CAMTA1: variants seen among roughly 807,000 people sequenced by gnomAD.
The protein encoded by CAMTA1 is calmodulin-binding transcription activator 1.
Under a neutral mutation model 170.9 loss-of-function variants are expected in CAMTA1, and 27 were observed. The observed-to-expected ratio is 0.16, with a 90% CI of 0.12 to 0.22. The LOEUF is 0.22. Ranked by LOEUF, CAMTA1 falls within the 10% of genes least tolerant of loss-of-function variation. The pLI is 1.00. For synonymous variants in CAMTA1, 833 were observed against 891.5 expected (o/e 0.93, Z 1.17); for missense variants, 1,619 against 2,217.2 (o/e 0.73, Z 5.42).
intron 3 of CAMTA1, chr1:6,871,617 G>A: frequency 3.3e-6 from 2 of 603,158 alleles, no homozygotes; most frequent in Non-Finnish European, 5.4e-6. Context: ...TAATGAAAGT[G>A]TGGTTTTGTA....
chr1:7,241,756 C>A (rs1664893189), intron 4 of CAMTA1, among the ~76,000 whole-genome samples: 1 of 152,072 alleles, frequency 6.6e-6, no homozygotes, highest in African/African-American at 2.4e-5. Context: ...TATTCAGTGA[C>A]AAAAATAAAC....
In CAMTA1 at chr1:7,083,014, C is replaced by T. The variant is rs186612784; in HGVS notation, c.235-8290C>T. Among the ~76,000 whole-genome samples the T allele has an allele frequency of 1.7e-3, 252 of 152,246 alleles. 3 individuals are homozygous for T. Among genetic ancestry groups the T allele is most frequent in the Non-Finnish European group, 3.8e-4 (26 of 68,022 alleles). On this transcript the variant is annotated intron_variant, in intron 3 of 22. Transcript: ENST00000303635. ...ATATTGTAGGTGCTCAATAATTCAT[C>T]GAATGGTTGAACCAATGAGTAGATA...
chr1:7,692,561 C>T lies in CAMTA1; in HGVS notation c.2914+14828C>T, dbSNP rs140681009. 5.9e-5 allele frequency among the ~76,000 whole-genome samples: 9 copies of T among 152,188 alleles called. No individual in the cohort carries two copies. The East Asian group carries it at 1.4e-3, about 23-fold the overall frequency. Reference sequence around the variant, plus strand: ...TGAATGAATGAGTGAGTAGGTGAGTCGGGGCCATGAAAACCTCCCTATGCA... The same window carrying T: ...TGAATGAATGAGTGAGTAGGTGAGTTGGGGCCATGAAAACCTCCCTATGCA... On this transcript the variant is annotated intron_variant, in intron 11 of 22. Coordinates refer to ENST00000303635, the MANE Select transcript of CAMTA1 (RefSeq NM_015215.4).
At chr1:7,646,075 A>G (rs1433135917) in intron 7 of CAMTA1, among the ~76,000 whole-genome samples, 23 of 133,814 alleles carry the variant, frequency 1.7e-4, no homozygotes, top group African/African-American at 3.4e-4. Flanking sequence ...GCCCTGGTGA[A>G]TTGGGTGGAG....
At chr1:7,364,525 C>G (rs377132247) in intron 5 of CAMTA1, among the ~76,000 whole-genome samples, 1 of 151,894 alleles carries the variant, frequency 6.6e-6, no homozygotes, top group Non-Finnish European at 1.5e-5. Flanking sequence ...TCCTAGCTCA[C>G]TGCTTTCCTG....
intron 6 of CAMTA1, among the ~76,000 whole-genome samples, chr1:7,486,208 G>C (rs974442040): frequency 6.6e-6 from 1 of 152,222 alleles, no homozygotes; most frequent in Non-Finnish European, 1.5e-5. Flanking sequence ...TGCTGGAAAT[G>C]CCTAACAGTT....
chr1:6,899,465 T>C (rs1030178946), intron 3 of CAMTA1, among the ~76,000 whole-genome samples: 4 of 152,202 alleles, frequency 2.6e-5, no homozygotes, highest in African/African-American at 9.7e-5. Flanking sequence ...CAGCAATCAC[T>C]TGCCTTGCAT....
chr1:7,250,915 C>T (rs932097742), intron 5 of CAMTA1, among the ~76,000 whole-genome samples: 7 of 152,184 alleles, frequency 4.6e-5, no homozygotes, highest in Admixed American at 1.3e-4. Context: ...ACCTCTAGGA[C>T]GGTGACCGCT....
intron 3 of CAMTA1, among the ~76,000 whole-genome samples, chr1:6,941,108 A>G (rs1686527799): frequency 2.0e-5 from 3 of 151,990 alleles, no homozygotes; most frequent in Admixed American, 6.6e-5. Context: ...CAGGGATGGA[A>G]CTGAGGTTCG....
chr1:7,459,141 C>T (rs1184886241), intron 5 of CAMTA1, among the ~76,000 whole-genome samples: 1 of 152,206 alleles, frequency 6.6e-6, no homozygotes, highest in African/African-American at 2.4e-5. Flanking sequence ...AGGGGGTGGC[C>T]TGCTGGGGAG....
intron 5 of CAMTA1, among the ~76,000 whole-genome samples, chr1:7,382,026 C>A (rs931505308): frequency 6.6e-6 from 1 of 152,196 alleles, no homozygotes; most frequent in African/African-American, 2.4e-5. Flanking sequence ...CAATAGATAG[C>A]CTTCACCTCA....
intron 6 of CAMTA1, among the ~76,000 whole-genome samples, chr1:7,475,282 T>C (rs2093402539): frequency 6.6e-6 from 1 of 152,176 alleles, no homozygotes; most frequent in African/African-American, 2.4e-5. Context: ...ACCTGGGCCT[T>C]CTACTGCCAT....
intron 6 of CAMTA1, among the ~76,000 whole-genome samples, chr1:7,616,654 G>T (rs565612421): frequency 1.3e-5 from 2 of 152,196 alleles, no homozygotes; most frequent in South Asian, 4.1e-4. Context: ...AATGGAGGGG[G>T]ACCCTAGGGA....
At chr1:7,600,970 C>T (rs1020767152) in intron 6 of CAMTA1, among the ~76,000 whole-genome samples, 22 of 152,016 alleles carry the variant, frequency 1.4e-4, no homozygotes, top group Admixed American at 1.4e-3. Context: ...CCATTGTCAT[C>T]ATGGCCCGTT....
intron 3 of CAMTA1, among the ~76,000 whole-genome samples, chr1:7,062,593 G>A (rs1424466825): frequency 2.6e-5 from 4 of 152,194 alleles, no homozygotes; most frequent in Non-Finnish European, 5.9e-5. Flanking sequence ...CTAAGGAGCT[G>A]TGGGGTGGGG....
intron 3 of CAMTA1, among the ~76,000 whole-genome samples, chr1:6,892,194 AT>A (rs1396699092): frequency 1.3e-5 from 2 of 152,210 alleles, no homozygotes; most frequent in Non-Finnish European, 2.9e-5. Flanking sequence ...TCTTTACTAA[AT>A]TTTGTGAGAT....
intron 5 of CAMTA1, among the ~76,000 whole-genome samples, chr1:7,386,462 G>A (rs778685645): frequency 1.3e-5 from 2 of 152,334 alleles, no homozygotes; most frequent in Non-Finnish European, 2.9e-5. Context: ...AAGGGGCTGG[G>A]TTTCCAGCCA....
At chr1:7,054,065 G>A (rs12731673) in intron 3 of CAMTA1, among the ~76,000 whole-genome samples, 21,784 of 152,250 alleles carry the variant, frequency 0.14, 1,837 homozygotes, top group Non-Finnish European at 0.2. Context: ...ACAGACCATC[G>A]TCCTCACTGC....
intron 4 of CAMTA1, among the ~76,000 whole-genome samples, chr1:7,103,405 GCACA>G (rs1028346891): frequency 9.6e-6 from 1 of 104,292 alleles, no homozygotes; most frequent in East Asian, 2.8e-4. Flanking sequence ...AACTACACAC[GCACA>G]CACACAGCAC....
Sources: allele counts gnomAD v4.1 joint callset (sites outside exome capture counted in the v4.1 genomes callset), GRCh38; gene constraint gnomAD v4.1.1; transcripts MANE v1.5; gene names NCBI Gene and HGNC (gene_info 2026-07-23, HGNC 2026-07-21).